Variants in GPRC5C observed in about 807,000 individuals in gnomAD.
GPRC5C encodes G protein-coupled receptor class C group 5 member C, also known as G protein-coupled receptor family C group 5 member C.
GPRC5C carries 22 observed loss-of-function variants against 31.4 expected under a neutral mutation model. That is an observed-to-expected ratio of 0.70 (90% CI 0.50 to 1.00). GPRC5C has a LOEUF of 1.00. GPRC5C is among the 50% of genes least tolerant of loss of function. The pLI is 0.00. For synonymous variants in GPRC5C, 249 were observed against 257.5 expected (o/e 0.97, Z 0.32); for missense variants, 557 against 597.2 (o/e 0.93, Z 0.70).
In GPRC5C at chr17:74,439,638, C is replaced by T. The variant is rs373065568; in HGVS notation, c.-32-107C>T. 405 of 1,039,640 alleles carry T rather than the reference C, an allele frequency of 3.9e-4. 9 individuals carry two copies. In the South Asian group the frequency reaches 6.1e-3, roughly 16 times the overall value. 64.4% of individuals were successfully genotyped at this position (1,039,640 alleles called of 1,614,324 possible). A position where few individuals can be genotyped will look rare whatever the true frequency, so the allele number is the denominator to read the frequency against. ...TCTGAGGTCCAGAGAGCCTCACGGT[C>T]AGCAGCTAGCACTATCTGCCTGGGT... On this transcript the variant is annotated intron_variant, in intron 1 of 3. Transcript: ENST00000392627.
At chr17:74,432,177 T>A in intron 1 of GPRC5C, 36 bp downstream of exon 1, 1 of 1,593,784 alleles carries the variant, frequency 6.3e-7, no homozygotes, top group Non-Finnish European at 8.5e-7. Flanking sequence ...CAGGCTTTGT[T>A]CCTGTGTAAA....
chr17:74,439,672 G>C, intron 1 of GPRC5C, 73 bp from the exon 2 acceptor site: 1 of 1,414,204 alleles, frequency 7.1e-7, no homozygotes, highest in Non-Finnish European at 9.6e-7. Context: ...GTTTAGGTTG[G>C]GGGAAGCAGC....
rs765279646 is a variant in GPRC5C, at chr17:74,447,035, G to A, written c.*7G>A. 4 of 1,604,982 alleles carry A rather than the reference G, an allele frequency of 2.5e-6. No individual in the cohort carries two copies. The highest frequency in any genetic ancestry group is 1.1e-5 in the South Asian group (1 of 90,866). On this transcript the variant is annotated 3_prime_UTR_variant, in exon 4 of 4. Transcript: ENST00000392627. Reference sequence around the variant, plus strand: ...CCCCTACGTGTGGGACTGAGTCAGCGGTGGCGAGGAGAGGCGGGCGGATTT... The same window carrying A: ...CCCCTACGTGTGGGACTGAGTCAGCAGTGGCGAGGAGAGGCGGGCGGATTT...
intron 1 of GPRC5C, chr17:74,432,426 GCCCCGCGCCGCGTCCCTCCCAC>G (rs1476383699): frequency 2.6e-6 from 3 of 1,137,410 alleles, no homozygotes; most frequent in Non-Finnish European, 3.2e-6. Context: ...CTGGCCCAGC[GCCCCGCGCCGCGTCCCTCCCAC>G]CCCCGCCCGC....
rs201630254 is a variant in GPRC5C at position 74,447,029 on chromosome 17, G to A, written c.*1G>A. On this transcript the variant is annotated 3_prime_UTR_variant, in exon 4 of 4. Coordinates refer to ENST00000392627, the MANE Select transcript of GPRC5C (RefSeq NM_022036.4). ...TAGAAACCCCTACGTGTGGGACTGA[G>A]TCAGCGGTGGCGAGGAGAGGCGGGC... is the stretch of plus-strand genomic sequence containing the variant. 6.2e-7 allele frequency: 1 copy of A among 1,606,728 alleles called. No homozygotes were observed. Among genetic ancestry groups the A allele is most frequent in the African/African-American group, 1.3e-5 (1 of 74,926 alleles).
chr17:74,440,200 A>G lies in GPRC5C; in HGVS notation c.424A>G (p.Asn142Asp). Residue 142 changes from asparagine to aspartate, a missense_variant, in exon 2 of 4, where the codon AAC becomes GAC. Transcript: ENST00000392627. This position sits in a 1 kb window ranked among gnomAD's most constrained non-coding sequence, Gnocchi z 4.4. Reference protein sequence around the residue: ...SCLAAHVFALNFLARKNHGPR... With the variant: ...SCLAAHVFALDFLARKNHGPR... ...TCTGGCGGCTCACGTCTTTGCCCTC[A>G]ACTTCCTGGCCCGGAAGAACCACGG... The G allele has an allele frequency of 6.2e-7, 1 of 1,614,066 alleles. No homozygotes were observed.
At chr17:74,433,741 A>T (rs2055389739) in intron 1 of GPRC5C, 1 of 1,613,340 alleles carries the variant, frequency 6.2e-7, no homozygotes, top group Non-Finnish European at 8.5e-7. Context: ...ACCCTTGAAG[A>T]CAGCCATTGG....
At position 74,434,692 on chromosome 17, in the gene GPRC5C, G is replaced by A. The variant is rs8076761; in HGVS notation, c.-33+2551G>A. ...AATCCCAGCACTTTGAGAGGCTGAG[G>A]TAGGTGGATCACCTTAGGTCAGGAG... is the stretch of plus-strand genomic sequence containing the variant. On this transcript the variant is annotated intron_variant, in intron 1 of 3. Transcript: ENST00000392627. Among the ~76,000 whole-genome samples the A allele has an allele frequency of 9.1e-3, 1,392 of 152,326 alleles. 18 individuals are homozygous for A. Among genetic ancestry groups the A allele is most frequent in the African/African-American group, 0.031 (1,308 of 41,566 alleles).
Position 74,439,903 on chromosome 17 carries a change from T to A in GPRC5C, c.127T>A (p.Cys43Ser). Residue 43 changes from cysteine to serine, a missense_variant, in exon 2 of 4, where the codon TGT (cysteine) becomes AGT (serine). Transcript: ENST00000392627. Reference protein sequence around the residue: ...QGLNPLYYNLCDRSGAWGIVL... With the variant: ...QGLNPLYYNLSDRSGAWGIVL... ...CCTCAACCCCCTGTACTACAACCTG[T>A]GTGACCGCTCTGGGGCGTGGGGCAT... 1 of 1,612,896 alleles carries A rather than the reference T, an allele frequency of 6.2e-7. No individual in the cohort carries two copies. Among genetic ancestry groups the A allele is most frequent in the Admixed American group, 1.7e-5 (1 of 60,024 alleles).
At chr17:74,441,517 T>C (rs1394050906) in intron 2 of GPRC5C, among the ~76,000 whole-genome samples, 5 of 152,140 alleles carry the variant, frequency 3.3e-5, no homozygotes, top group Admixed American at 3.3e-4. Flanking sequence ...CATAGGGTTC[T>C]TGTGAGGATT....
At chr17:74,433,034 C>T (rs924667735) in intron 1 of GPRC5C, among the ~76,000 whole-genome samples, 1 of 152,088 alleles carries the variant, frequency 6.6e-6, no homozygotes, top group Non-Finnish European at 1.5e-5. Context: ...AGCGCCTCCC[C>T]TTCTGGTAGC....
At chr17:74,444,019 G>A (rs1157183633) in intron 3 of GPRC5C, 107 bp downstream of exon 3, 1 of 751,530 alleles carries the variant, frequency 1.3e-6, no homozygotes, top group Non-Finnish European at 2.3e-6. Context: ...GGTGGAGGTG[G>A]TAAGGGGAAG....
In GPRC5C at chr17:74,440,228, C is replaced by T; in HGVS notation, c.452C>T (p.Pro151Leu). 2 of 1,614,206 alleles carry T rather than the reference C, an allele frequency of 1.2e-6. No homozygotes were observed. The highest frequency in any genetic ancestry group is 1.7e-6 in the Non-Finnish European group (2 of 1,180,020). ...LNFLARKNHG[P>L]RGWVIFTVAL... is the part of the protein sequence containing the mutation. ...TTCCTGGCCCGGAAGAACCACGGGC[C>T]CCGGGGCTGGGTGATCTTCACTGTG... Residue 151 changes from proline (P) to leucine (L), a missense_variant, in exon 2 of 4, where the codon CCC (proline) becomes CTC (leucine). Coordinates refer to ENST00000392627, the MANE Select transcript of GPRC5C (RefSeq NM_022036.4). The surrounding 1 kb of genome is among the most constrained non-coding windows in gnomAD (Gnocchi z 4.4).
rs1022287414 is a variant in GPRC5C at position 74,440,735 on chromosome 17, G to A, written c.959G>A (p.Arg320Gln). 19 of 1,599,960 alleles carry A rather than the reference G, an allele frequency of 1.2e-5. No individual in the cohort carries two copies. The highest frequency in any genetic ancestry group is 6.7e-5 in the African/African-American group (5 of 74,684). The change falls in exon 2 of 4, where the codon CGG becomes CAG. Residue 320 changes from arginine to glutamine, a missense_variant. Arg to Gln is a conservative substitution (Grantham distance 43, BLOSUM62 1). Transcript: ENST00000392627. The surrounding 1 kb of genome is among the most constrained non-coding windows in gnomAD (Gnocchi z 4.4). ...QSYQGDMYPT[R>Q]GVGYETILKE... ...TACCAGGGGGACATGTACCCCACCC[G>A]GGGCGTGGGCTATGAGACCATCCTG...
Position 74,440,795 on chromosome 17 carries a change from A to G in GPRC5C, c.1019A>G (p.Asn340Ser). The change falls in exon 2 of 4, where the codon AAC (asparagine) becomes AGC (serine). Residue 340 changes from asparagine (N) to serine (S), a missense_variant. Transcript: ENST00000392627. This position sits in a 1 kb window ranked among gnomAD's most constrained non-coding sequence, Gnocchi z 4.4. ...EQKGQSMFVENKAFSMDEPVA... is the reference protein window; with the variant it reads ...EQKGQSMFVESKAFSMDEPVA... ...AAGGGTCAGAGCATGTTCGTGGAGA[A>G]CAAGGCCTTTTCCATGGATGAGCCG... The G allele has an allele frequency of 6.6e-7, 1 of 1,519,064 alleles. No homozygotes were observed. The highest frequency in any genetic ancestry group is 2.3e-5 in the East Asian group (1 of 43,304). The allele number at this position is 1,519,064 out of a possible 1,614,324, so 94.1% of individuals were successfully genotyped here.
At position 74,440,522 on chromosome 17, in the gene GPRC5C, C is replaced by T. The variant is rs2055516274; in HGVS notation, c.746C>T (p.Thr249Ile). ...CATGGGGTCTTTGTGCTCCTCACCACAGCCACCTCCGTTGCCATATGGGTG... is the reference window on the plus strand; with the variant it reads ...CATGGGGTCTTTGTGCTCCTCACCATAGCCACCTCCGTTGCCATATGGGTG... ...RKHGVFVLLT[T>I]ATSVAIWVVW... The change falls in exon 2 of 4, where the codon ACA (threonine) becomes ATA (isoleucine). Residue 249 changes from threonine (T) to isoleucine (I), a missense_variant. Transcript: ENST00000392627. The surrounding 1 kb of genome is among the most constrained non-coding windows in gnomAD (Gnocchi z 4.4). 9 of 1,614,190 alleles carry T rather than the reference C, an allele frequency of 5.6e-6. No homozygotes were observed. The highest frequency in any genetic ancestry group is 7.6e-6 in the Non-Finnish European group (9 of 1,180,030).
chr17:74,438,656 C>CAG (rs1324440878), intron 1 of GPRC5C, among the ~76,000 whole-genome samples: 3 of 152,162 alleles, frequency 2.0e-5, no homozygotes, highest in African/African-American at 7.2e-5. Context: ...ACCTTGACCT[C>CAG]CCAAAGTGCT....
At position 74,443,779 on chromosome 17, in the gene GPRC5C, G is replaced by A. The variant is rs746904115; in HGVS notation, c.1052-39G>A. 5.0e-6 allele frequency: 7 copies of A among 1,413,570 alleles called. No individual in the cohort carries two copies. In the East Asian group the frequency reaches 1.1e-4, roughly 23 times the overall value. The allele number at this position is 1,413,570 out of a possible 1,614,324, so 87.6% of individuals were successfully genotyped here. A position where few individuals can be genotyped will look rare whatever the true frequency, so the allele number is the denominator to read the frequency against. On this transcript the variant is annotated intron_variant, in intron 2 of 3. Coordinates refer to ENST00000392627, the MANE Select transcript of GPRC5C (RefSeq NM_022036.4). Reference sequence around the variant, plus strand: ...TGGGAGGTGGGGAAGGGAGCTGAGAGCCCTGGGATCTTCAAACTGTTCCTG... The same window carrying A: ...TGGGAGGTGGGGAAGGGAGCTGAGAACCCTGGGATCTTCAAACTGTTCCTG...
At chr17:74,450,277 T>G (rs976293378), downstream of GPRC5C, 4 of 152,378 alleles carry the variant, frequency 2.6e-5, no homozygotes, top group African/African-American at 9.6e-5. Flanking sequence ...TACCTGGATC[T>G]CACAGGTTCT....
Sources: allele counts gnomAD v4.1 joint callset (sites outside exome capture counted in the v4.1 genomes callset), GRCh38; gene constraint gnomAD v4.1.1; non-coding constraint Gnocchi (gnomAD v3.1); transcripts MANE v1.5; gene names NCBI Gene and HGNC (gene_info 2026-07-23, HGNC 2026-07-21).